PRKDC: variants seen among roughly 807,000 people sequenced by gnomAD.
PRKDC encodes the protein protein kinase, DNA-activated, catalytic subunit.
In PRKDC, 82 loss-of-function variants were observed where a neutral mutation model predicts 486.9. The ratio of observed to expected loss-of-function variants is 0.17; its 90% CI spans 0.14 to 0.20. The LOEUF is 0.20. Ranked by LOEUF, PRKDC falls within the 10% of genes least tolerant of loss-of-function variation. The pLI is 1.00. For missense variants in PRKDC, 4,504 were observed against 5,038.2 expected (o/e 0.89, Z 3.21); for synonymous variants, 1,895 against 1,837.0 (o/e 1.03, Z -0.81).
intron 59 of PRKDC, 33 bp from the exon 60 acceptor site, chr8:47,831,959 G>A (rs772454805): frequency 3.2e-6 from 5 of 1,574,466 alleles, no homozygotes; most frequent in East Asian, 2.3e-5. Context: ...GTTACTCCCC[G>A]CCGCCCAGAC....
At chr8:47,873,761 G>C (rs926513476) in intron 40 of PRKDC, among the ~76,000 whole-genome samples, 2 of 152,098 alleles carry the variant, frequency 1.3e-5, no homozygotes. Context: ...GGCACAGAAA[G>C]ACAATCTTTG....
intron 67 of PRKDC, among the ~76,000 whole-genome samples, chr8:47,818,313 G>A (rs186938027): frequency 6.6e-6 from 1 of 152,090 alleles, no homozygotes; most frequent in Non-Finnish European, 1.5e-5. Flanking sequence ...AGGCACGGTG[G>A]CTCATGCCTG....
intron 7 of PRKDC, among the ~76,000 whole-genome samples, chr8:47,946,510 G>A (rs2090534458): frequency 6.6e-6 from 1 of 151,982 alleles, no homozygotes; most frequent in South Asian, 2.1e-4. Context: ...ACCACTTACT[G>A]CCAGTTCCTC....
chr8:47,833,538 C>G (rs752875249), intron 59 of PRKDC, among the ~76,000 whole-genome samples: 1 of 152,150 alleles, frequency 6.6e-6, no homozygotes, highest in African/African-American at 2.4e-5. Context: ...GTCCCCATCA[C>G]TCCACTTCTG....
At chr8:47,883,743 G>A (rs1266935868) in intron 36 of PRKDC, among the ~76,000 whole-genome samples, 1 of 152,200 alleles carries the variant, frequency 6.6e-6, no homozygotes, top group African/African-American at 2.4e-5. Context: ...TTATTTCACA[G>A]TTTTGTCTCT....
chr8:47,774,474 A>G, intron 85 of PRKDC, 97 bp from the exon 86 acceptor site: 1 of 1,132,208 alleles, frequency 8.8e-7, no homozygotes, highest in Non-Finnish European at 1.3e-6. Context: ...TCCCCACGTC[A>G]TCACTCACAG....
intron 60 of PRKDC, 97 bp from the exon 61 acceptor site, chr8:47,830,833 A>G: frequency 6.7e-7 from 1 of 1,492,462 alleles, no homozygotes; most frequent in Admixed American, 1.7e-5. Context: ...CTGAACCATG[A>G]GGGCGAAGTG....
In PRKDC at chr8:47,925,292, G is replaced by A. The variant is rs902057547; in HGVS notation, c.2419+1902C>T. ...CAAATGGTTACAGTGGAAACAACCA[G>A]CAAAGGCACCAAGTGTCCTGAAGAG... On this transcript the variant is annotated intron_variant, in intron 21 of 85. Transcript: ENST00000314191. Among the ~76,000 whole-genome samples the A allele has an allele frequency of 2.6e-5, 4 of 152,316 alleles. No individual in the cohort carries two copies. The East Asian group carries it at 7.7e-4, about 29-fold the overall frequency.
At chr8:47,857,676 G>A (rs766633428) in intron 48 of PRKDC, among the ~76,000 whole-genome samples, 6 of 152,138 alleles carry the variant, frequency 3.9e-5, no homozygotes, top group Non-Finnish European at 8.8e-5. Flanking sequence ...ACGGCTGTCT[G>A]AGTCCCCCCA....
In PRKDC at chr8:47,807,288, G is replaced by C; in HGVS notation, c.9596C>G (p.Pro3199Arg). The change falls in exon 69 of 86, where the codon CCT (proline) becomes CGT (arginine). Residue 3199 changes from proline (P) to arginine (R), a missense_variant. Transcript: ENST00000314191. ...FLSKIEEKLT[P>R]LPEDNSMNVD... ...ATTCATACTATTATCTTCTGGAAGA[G>C]GGGTAAGCTTCTCCTCTATTTTGCT... is the stretch of plus-strand genomic sequence containing the variant. The C allele has an allele frequency of 6.2e-7, 1 of 1,601,454 alleles. No homozygotes were observed. Among genetic ancestry groups the C allele is most frequent in the Middle Eastern group, 1.7e-4 (1 of 5,986 alleles).
chr8:47,852,617 A>G (rs2088434470), intron 52 of PRKDC, 56 bp downstream of exon 52: 2 of 1,102,432 alleles, frequency 1.8e-6, no homozygotes, highest in East Asian at 2.6e-5. Context: ...ATCAAGGGTC[A>G]TAACAAATCA....
intron 30 of PRKDC, among the ~76,000 whole-genome samples, chr8:47,896,372 G>T (rs2089581294): frequency 6.6e-6 from 1 of 152,110 alleles, no homozygotes; most frequent in South Asian, 2.1e-4. Context: ...CCCAGGCCAG[G>T]TGCAGTGGCT....
In PRKDC at chr8:47,782,639, ACG is replaced by A; in HGVS notation, c.11176-43_11176-42del. ...TGTCATCTCAGGGCACAGGCTAGCC[ACG>A]TGTCAAACTCAGAGGGAAAAGCCAG... On this transcript the variant is annotated intron_variant, in intron 78 of 85. Coordinates refer to ENST00000314191, the MANE Select transcript of PRKDC (RefSeq NM_006904.7). This position sits in a 1 kb window ranked among gnomAD's most constrained non-coding sequence, Gnocchi z 4.9. 6.5e-7 allele frequency: 1 copy of A among 1,539,816 alleles called. No homozygotes were observed. Among genetic ancestry groups the A allele is most frequent in the South Asian group, 1.2e-5 (1 of 83,854 alleles).
intron 40 of PRKDC, among the ~76,000 whole-genome samples, chr8:47,875,127 T>A (rs1167928907): frequency 3.3e-5 from 5 of 152,224 alleles, no homozygotes; most frequent in Non-Finnish European, 5.9e-5. Context: ...TCAATTTGAT[T>A]ACTTGTTGGG....
At chr8:47,861,174 C>T (rs1374270079) in intron 44 of PRKDC, among the ~76,000 whole-genome samples, 3 of 152,178 alleles carry the variant, frequency 2.0e-5, no homozygotes, top group East Asian at 1.9e-4. Context: ...CCACAGAACT[C>T]GGCCCAGGCA....
chr8:47,819,346 T>A, intron 67 of PRKDC, 56 bp downstream of exon 67: 2 of 1,149,950 alleles, frequency 1.7e-6, no homozygotes, highest in African/African-American at 1.6e-5. Flanking sequence ...ATAATTTAGA[T>A]GCTAAAACTC....
At chr8:47,830,863 G>A (rs894900058) in intron 60 of PRKDC, 127 bp from the exon 61 acceptor site, 27 of 1,165,182 alleles carry the variant, frequency 2.3e-5, no homozygotes, top group Non-Finnish European at 3.2e-5. Flanking sequence ...GATGCTCGCA[G>A]AGGCTCAGTC....
chr8:47,831,892 G>T lies in PRKDC; in HGVS notation c.8187C>A (p.Arg2729=). 1 of 1,613,976 alleles carries T rather than the reference G, an allele frequency of 6.2e-7. No homozygotes were observed. The highest frequency in any genetic ancestry group is 8.5e-7 in the Non-Finnish European group (1 of 1,179,854). Residue 2729 remains arginine (R), a synonymous_variant, in exon 60 of 86, where the codon CGC becomes CGA. Coordinates refer to ENST00000314191, the MANE Select transcript of PRKDC (RefSeq NM_006904.7). The part of the protein sequence containing the change: ...AAGRTDLLRL[R]RRFMRDQEKL... ...TCTCCTGGTCCCTCATAAACCGTCT[G>T]CGCAGTCGTAGTAGGTCCGTCCGGC...
At chr8:47,890,717 T>TA (rs1281223977) in intron 31 of PRKDC, among the ~76,000 whole-genome samples, 3 of 152,234 alleles carry the variant, frequency 2.0e-5, no homozygotes, top group African/African-American at 7.2e-5. Context: ...TGTGAGAAGA[T>TA]AAATTAATAT....
Sources: gnomAD v4.1 joint callset for allele counts (sites outside exome capture counted in the v4.1 genomes callset) on GRCh38, gnomAD v4.1.1 for gene constraint, Gnocchi (gnomAD v3.1) non-coding constraint, MANE v1.5 for transcripts, NCBI Gene and HGNC (gene_info 2026-07-23, HGNC 2026-07-21) for gene names.